Variants in RTF1 observed in about 807,000 individuals in gnomAD.
RTF1 encodes the protein RNA polymerase-associated protein RTF1 homolog.
A neutral mutation model predicts 95.7 loss-of-function variants in RTF1; 10 were observed. That is an observed-to-expected ratio of 0.10 (90% confidence interval 0.06 to 0.18). The LOEUF is 0.18. Among genes scored for constraint, RTF1 ranks in the 10% least tolerant of loss-of-function variants. RTF1 has a pLI of 1.00. For synonymous variants in RTF1, 305 were observed against 311.8 expected, an observed-to-expected ratio of 0.98 and a Z score of 0.23; for missense variants, 458 against 875.6, an observed-to-expected ratio of 0.52 and a Z score of 6.02.
At chr15:41,428,416 C>T (rs1437521100) in intron 1 of RTF1, among the ~76,000 whole-genome samples, 3 of 150,276 alleles carry the variant, frequency 2.0e-5, no homozygotes, top group Non-Finnish European at 3.0e-5. Flanking sequence ...TACAGGTGCC[C>T]GCCACTACAC....
intron 1 of RTF1, 130 bp downstream of exon 1, chr15:41,417,443 A>C: frequency 1.4e-6 from 1 of 732,322 alleles, no homozygotes; most frequent in Non-Finnish European, 1.9e-6. Flanking sequence ...GGGCACCACT[A>C]CAGCCCCTTT....
intron 5 of RTF1, among the ~76,000 whole-genome samples, chr15:41,465,107 T>C (rs1287336294): frequency 6.6e-6 from 1 of 150,778 alleles, no homozygotes; most frequent in African/African-American, 2.4e-5. Context: ...TTTTCTTTTT[T>C]CTTTCTTCTT....
intron 15 of RTF1, chr15:41,478,886 T>C: frequency 1.7e-6 from 1 of 604,688 alleles, no homozygotes; most frequent in East Asian, 2.8e-5. Context: ...ACATTAGTAA[T>C]GTGTCCCTTA....
intron 1 of RTF1, among the ~76,000 whole-genome samples, chr15:41,428,529 A>G (rs1429619751): frequency 6.7e-6 from 1 of 150,254 alleles, no homozygotes; most frequent in African/African-American, 2.4e-5. Context: ...CAGCCTCCCA[A>G]AGTGCTGGGA....
At chr15:41,475,857 A>C (rs1165975918) in intron 11 of RTF1, 38 bp downstream of exon 11, 1 of 1,026,254 alleles carries the variant, frequency 9.7e-7, no homozygotes, top group Non-Finnish European at 1.5e-6. Flanking sequence ...GAGGTTCATC[A>C]AGAACCAGTG....
In RTF1 at chr15:41,423,700, A is replaced by G. The variant is rs1247828222; in HGVS notation, c.198+6387A>G. Among the ~76,000 whole-genome samples the G allele has an allele frequency of 2.0e-5, 3 of 152,078 alleles. No individual in the cohort carries two copies. In the East Asian group the frequency reaches 5.8e-4, roughly 29 times the overall value. ...GCTTTAACAGTGAGGCTTTTAGGAA[A>G]AATACAAAACTGATCTTCAGACACA... On this transcript the variant is annotated intron_variant, in intron 1 of 17. Coordinates refer to ENST00000389629, the MANE Select transcript of RTF1 (RefSeq NM_015138.5).
intron 1 of RTF1, 62 bp from the exon 2 acceptor site, chr15:41,438,259 A>G: frequency 8.7e-7 from 1 of 1,148,000 alleles, no homozygotes; most frequent in Non-Finnish European, 1.2e-6. Context: ...TGGGCATTTT[A>G]TTATTCTTGG....
At chr15:41,437,321 C>T (rs1363101310) in intron 1 of RTF1, among the ~76,000 whole-genome samples, 1 of 151,224 alleles carries the variant, frequency 6.6e-6, no homozygotes, top group Admixed American at 6.6e-5. Context: ...TGGTCAAACC[C>T]CCTCTCTACT....
At position 41,475,755 on chromosome 15, in the gene RTF1, A is replaced by G. The variant is rs1014647894; in HGVS notation, c.1418A>G (p.Asn473Ser). ...CAGTTGCCCACTCTAGATGAAATCAATAAAAAGGAATTATCTATTAAAGAA... is the reference window on the plus strand; with the variant it reads ...CAGTTGCCCACTCTAGATGAAATCAGTAAAAAGGAATTATCTATTAAAGAA... The part of the protein sequence containing the change: ...GMQLPTLDEI[N>S]KKELSIKEAL... Residue 473 changes from asparagine (N) to serine (S), a missense_variant, in exon 11 of 18, where the codon AAT (asparagine) becomes AGT (serine). Physicochemically the swap from Asn to Ser is conservative, Grantham distance 46 (BLOSUM62 1). Around this residue, in one of 11 missense-constraint regions of RTF1, gnomAD observed 150 missense variants for 275.7 expected, o/e 0.54. Coordinates refer to ENST00000389629, the MANE Select transcript of RTF1 (RefSeq NM_015138.5). 3 of 1,610,228 alleles carry G rather than the reference A, an allele frequency of 1.9e-6. No homozygotes were observed. Among genetic ancestry groups the G allele is most frequent in the Non-Finnish European group, 2.5e-6 (3 of 1,176,940 alleles).
At chr15:41,429,466 C>T (rs1370996595) in intron 1 of RTF1, among the ~76,000 whole-genome samples, 2 of 150,514 alleles carry the variant, frequency 1.3e-5, no homozygotes, top group South Asian at 2.1e-4. Context: ...CTCTCTCTTT[C>T]CAGGAGTGCT....
chr15:41,475,452 C>T, intron 9 of RTF1, 73 bp from the exon 10 acceptor site: 1 of 1,154,952 alleles, frequency 8.7e-7, no homozygotes, highest in Non-Finnish European at 1.3e-6. Context: ...GGTACATAGT[C>T]TGGTAAGGTT....
At chr15:41,465,869 G>A (rs1274569215) in intron 5 of RTF1, among the ~76,000 whole-genome samples, 3 of 152,210 alleles carry the variant, frequency 2.0e-5, no homozygotes, top group Non-Finnish European at 4.4e-5. Context: ...GCTTATGCCT[G>A]TAATCCCAAC....
At chr15:41,455,740 T>C (rs1353518603) in intron 3 of RTF1, among the ~76,000 whole-genome samples, 2 of 148,470 alleles carry the variant, frequency 1.3e-5, no homozygotes, top group Non-Finnish European at 1.5e-5. Flanking sequence ...GAGGTTGCAG[T>C]GAGCCGAGAT....
intron 8 of RTF1, among the ~76,000 whole-genome samples, chr15:41,472,487 A>G (rs2050917896): frequency 6.6e-6 from 1 of 151,402 alleles, no homozygotes; most frequent in Admixed American, 6.6e-5. Context: ...GATTATTGAC[A>G]TGAGCCACTG....
Position 41,428,257 on chromosome 15 carries a change from C to CTTTT in RTF1, c.199-10039_199-10036dup, listed in dbSNP as rs535870983. Among the ~76,000 whole-genome samples, 19 of 95,956 alleles carry CTTTT rather than the reference C, an allele frequency of 2.0e-4. 2 individuals carry two copies. The highest frequency in any genetic ancestry group is 4.0e-4 in the African/African-American group (8 of 20,132). 63.0% of individuals were successfully genotyped at this position (95,956 alleles called of 152,430 possible). A position where few individuals can be genotyped will look rare whatever the true frequency, so the allele number is the denominator to read the frequency against. ...CCCCTCTACTGCAATACTGATATCC[C>CTTTT]TTTTTTTTTTTTTTTTTTTTTTTTT... On this transcript the variant is annotated intron_variant, in intron 1 of 17. Coordinates refer to ENST00000389629, the MANE Select transcript of RTF1 (RefSeq NM_015138.5).
chr15:41,441,453 A>G (rs1336661565), intron 2 of RTF1, among the ~76,000 whole-genome samples: 1 of 152,140 alleles, frequency 6.6e-6, no homozygotes, highest in Non-Finnish European at 1.5e-5. Flanking sequence ...CTTGGAACAC[A>G]TTCATTCTCC....
rs928436904 is a variant in RTF1, at chr15:41,438,407, G to A, written c.285G>A (p.Ser95=). The change falls in exon 2 of 18, where the codon TCG becomes TCA. Residue 95 remains serine, a synonymous_variant. Coordinates refer to ENST00000389629, the MANE Select transcript of RTF1 (RefSeq NM_015138.5). ...PVSQPAASSD[S]ETSDSDDEWT... is the part of the protein sequence containing the mutation. ...GTCAGCCTGCAGCCTCGTCAGACTC[G>A]GAGACGTCTGACAGTGACGATGAGG... 19 of 1,550,566 alleles carry A rather than the reference G, an allele frequency of 1.2e-5. No homozygotes were observed. In the Admixed American group the frequency reaches 1.8e-4, roughly 14 times the overall value.
intron 1 of RTF1, among the ~76,000 whole-genome samples, chr15:41,436,548 C>T (rs1425464854): frequency 4.7e-5 from 7 of 149,150 alleles, no homozygotes; most frequent in East Asian, 2.0e-4. Flanking sequence ...GGTATGAACC[C>T]GGGAGGCGGA....
intron 3 of RTF1, among the ~76,000 whole-genome samples, chr15:41,455,457 A>G (rs929073446): frequency 1.3e-5 from 2 of 152,174 alleles, no homozygotes; most frequent in Non-Finnish European, 2.9e-5. Context: ...AACCAAATAT[A>G]GTATGTTCTC....
Sources: allele counts gnomAD v4.1 joint callset (sites outside exome capture counted in the v4.1 genomes callset), GRCh38; gene constraint gnomAD v4.1.1; regional missense constraint gnomAD v4.1.1; transcripts MANE v1.5; gene names NCBI Gene and HGNC (gene_info 2026-07-23, HGNC 2026-07-21).